The following WDPCP variants were observed in gnomAD, a reference collection of about 807,000 sequenced individuals.
WDPCP encodes WD repeat-containing and planar cell polarity effector protein fritz homolog.
A neutral mutation model predicts 93.1 loss-of-function variants in WDPCP; 71 were observed. The observed-to-expected ratio is 0.76, with a 90% confidence interval of 0.63 to 0.93. WDPCP has a LOEUF of 0.93. WDPCP is among the 40% of genes least tolerant of loss of function. The pLI is 0.00. For missense variants in WDPCP, 844 were observed against 887.4 expected (o/e 0.95, Z 0.62); for synonymous variants, 315 against 315.0 (o/e 1.00, Z 0.00).
intron 10 of WDPCP, among the ~76,000 whole-genome samples, chr2:63,389,677 GC>G (rs1287816359): frequency 6.6e-6 from 1 of 152,032 alleles, no homozygotes; most frequent in East Asian, 1.9e-4. Flanking sequence ...ACACACATAG[GC>G]TCAAAATAAA....
intron 1 of WDPCP, among the ~76,000 whole-genome samples, chr2:63,512,382 C>T (rs367589402): frequency 2.8e-4 from 42 of 152,224 alleles, no homozygotes; most frequent in East Asian, 7.7e-4. Flanking sequence ...CCAGCAATCC[C>T]ATTACTGGAT....
At chr2:63,159,457 T>C (rs1402529181) in intron 15 of WDPCP, among the ~76,000 whole-genome samples, 3 of 152,196 alleles carry the variant, frequency 2.0e-5, no homozygotes, top group East Asian at 1.9e-4. Flanking sequence ...ACATTTGTCA[T>C]CTCAGCATTA....
chr2:63,781,610 G>A (rs1292092511), intron 2 of WDPCP, among the ~76,000 whole-genome samples: 1 of 152,130 alleles, frequency 6.6e-6, no homozygotes, highest in Non-Finnish European at 1.5e-5. Context: ...GCCTACTTGG[G>A]AGGCAGAGAG....
chr2:63,198,165 C>T (rs1029263174), intron 14 of WDPCP, among the ~76,000 whole-genome samples: 1 of 152,130 alleles, frequency 6.6e-6, no homozygotes, highest in Non-Finnish European at 1.5e-5. Context: ...AAATCTAATA[C>T]ACTTATGGAA....
intron 17 of WDPCP, among the ~76,000 whole-genome samples, chr2:63,145,549 G>GTCAC (rs1168546399): frequency 6.6e-6 from 1 of 152,124 alleles, no homozygotes; most frequent in African/African-American, 2.4e-5. Flanking sequence ...AAAGCCGGCA[G>GTCAC]TCACTGGCCT....
At chr2:63,251,820 G>A (rs552979284) in intron 14 of WDPCP, among the ~76,000 whole-genome samples, 52 of 151,642 alleles carry the variant, frequency 3.4e-4, no homozygotes, top group Non-Finnish European at 5.4e-4. Flanking sequence ...AAAAAGCCCC[G>A]GACCAGATGG....
At chr2:63,829,114 TC>T (rs1671157520), upstream of WDPCP, among the ~76,000 whole-genome samples, 2 of 152,226 alleles carry the variant, frequency 1.3e-5, no homozygotes, top group Admixed American at 1.3e-4. Flanking sequence ...CAAACAACTG[TC>T]TTACAATCCA....
At chr2:63,270,733 T>TA (rs769280470) in intron 13 of WDPCP, among the ~76,000 whole-genome samples, 9 of 152,202 alleles carry the variant, frequency 5.9e-5, no homozygotes, top group Admixed American at 2.0e-4. Flanking sequence ...GTGAGAGGTT[T>TA]ATAAGCAGTC....
chr2:63,220,322 A>C (rs572509940), intron 14 of WDPCP, among the ~76,000 whole-genome samples: 1 of 152,318 alleles, frequency 6.6e-6, no homozygotes, highest in South Asian at 2.1e-4. Flanking sequence ...AGTAGGGATC[A>C]GCAGAAAAAG....
intron 14 of WDPCP, among the ~76,000 whole-genome samples, chr2:63,183,928 A>G (rs1270623427): frequency 6.6e-6 from 1 of 152,018 alleles, no homozygotes; most frequent in African/African-American, 2.4e-5. Flanking sequence ...TTTATCTGAT[A>G]TAAGCGTAGA....
chr2:63,274,319 A>G (rs1362113518), intron 13 of WDPCP, among the ~76,000 whole-genome samples: 1 of 152,188 alleles, frequency 6.6e-6, no homozygotes, highest in Non-Finnish European at 1.5e-5. Context: ...ACAACATACT[A>G]AAACCAATAG....
At chr2:63,741,731 T>A (rs1303658242) in intron 2 of WDPCP, among the ~76,000 whole-genome samples, 2 of 152,236 alleles carry the variant, frequency 1.3e-5, no homozygotes, top group Non-Finnish European at 2.9e-5. Flanking sequence ...ATAAATCATT[T>A]AAAAATTCAA....
At chr2:63,466,177 T>C (rs914132506) in intron 6 of WDPCP, among the ~76,000 whole-genome samples, 3 of 152,208 alleles carry the variant, frequency 2.0e-5, no homozygotes, top group African/African-American at 7.2e-5. Context: ...GGACAGGTAC[T>C]TCTTCACTGT....
At chr2:63,595,468 C>T in intron 3 of WDPCP, 1 of 1,613,628 alleles carries the variant, frequency 6.2e-7, no homozygotes, top group Non-Finnish European at 8.5e-7. Context: ...GATGGGTGTC[C>T]TGGACGGTGT....
intron 1 of WDPCP, among the ~76,000 whole-genome samples, chr2:63,540,189 CAA>C (rs1704602384): frequency 1.3e-5 from 2 of 152,068 alleles, no homozygotes; most frequent in Admixed American, 6.5e-5. Flanking sequence ...AAACAATAGA[CAA>C]ATATTTATTT....
intron 3 of WDPCP, chr2:63,597,989 T>C (rs1709350395): frequency 6.5e-6 from 1 of 152,854 alleles, no homozygotes; most frequent in Admixed American, 6.5e-5. Flanking sequence ...TCAGATTTTC[T>C]TAATGCAGAG....
At chr2:63,534,483 C>A (rs1199476915) in intron 1 of WDPCP, among the ~76,000 whole-genome samples, 1 of 152,190 alleles carries the variant, frequency 6.6e-6, no homozygotes, top group Non-Finnish European at 1.5e-5. Context: ...CAAACTGAAT[C>A]CAGCAGCACA....
At chr2:63,547,622 A>C (rs1705249921) in intron 1 of WDPCP, among the ~76,000 whole-genome samples, 1 of 151,888 alleles carries the variant, frequency 6.6e-6, no homozygotes, top group African/African-American at 2.4e-5. Context: ...AGCCATTATA[A>C]AGAACGAAAT....
chr2:63,309,051 C>G (rs1685968751), intron 13 of WDPCP, among the ~76,000 whole-genome samples: 1 of 152,024 alleles, frequency 6.6e-6, no homozygotes, highest in Non-Finnish European at 1.5e-5. Flanking sequence ...TAAGTGTGAG[C>G]TAAATATTGG....
Sources: allele counts gnomAD v4.1 joint callset (sites outside exome capture counted in the v4.1 genomes callset), GRCh38; gene constraint gnomAD v4.1.1; transcripts MANE v1.5; gene names NCBI Gene and HGNC (gene_info 2026-07-23, HGNC 2026-07-21).